The following BAIAP2L1 variants were observed in gnomAD, a reference collection of about 807,000 sequenced individuals.
BAIAP2L1 encodes BAR/IMD domain containing adaptor protein 2 like 1.
A neutral mutation model predicts 66.3 loss-of-function variants in BAIAP2L1; 35 were observed. The observed-to-expected ratio is 0.53, with a 90% confidence interval of 0.40 to 0.70. The LOEUF (loss-of-function observed/expected upper bound fraction) is 0.70, where lower values mean the gene tolerates loss of function less well. BAIAP2L1 is among the 30% of genes least tolerant of loss of function. The probability of loss-of-function intolerance (pLI) is 0.00; values close to 1 mark genes in which losing one functional copy is unlikely to be tolerated. For missense variants in BAIAP2L1, 622 were observed against 656.9 expected, an observed-to-expected ratio of 0.95 and a Z score of 0.58; for synonymous variants, 269 against 248.7, an observed-to-expected ratio of 1.08 and a Z score of -0.77.
intron 1 of BAIAP2L1, among the ~76,000 whole-genome samples, chr7:98,373,963 T>A (rs1008943375): frequency 1.3e-5 from 2 of 152,148 alleles, no homozygotes; most frequent in African/African-American, 4.8e-5. Flanking sequence ...AGAACATTTA[T>A]TTATTTTGAG....
intron 12 of BAIAP2L1, among the ~76,000 whole-genome samples, chr7:98,294,961 T>TC (rs1018125022): frequency 3.3e-5 from 5 of 152,150 alleles, no homozygotes; most frequent in African/African-American, 7.2e-5. Context: ...TAACACTCTT[T>TC]CCTGCCTGCA....
At chr7:98,351,850 T>C (rs937095790) in intron 3 of BAIAP2L1, among the ~76,000 whole-genome samples, 1 of 152,216 alleles carries the variant, frequency 6.6e-6, no homozygotes, top group African/African-American at 2.4e-5. Context: ...AAGTATCCAC[T>C]GCTAGACATC....
chr7:98,352,568 G>A (rs1802023250), intron 3 of BAIAP2L1, among the ~76,000 whole-genome samples: 1 of 152,106 alleles, frequency 6.6e-6, no homozygotes, highest in African/African-American at 2.4e-5. Context: ...CTTGAACCCT[G>A]GAGGCAGAGG....
chr7:98,304,849 C>T (rs948107990), intron 11 of BAIAP2L1, among the ~76,000 whole-genome samples: 1 of 150,268 alleles, frequency 6.7e-6, no homozygotes, highest in Non-Finnish European at 1.5e-5. Flanking sequence ...GGTTTCTAAA[C>T]ATATCCTCAC....
rs781400240 is a variant in BAIAP2L1, at chr7:98,304,424, C to CA, written c.1242-49dup. ...CACGTGTTAGATAATGTCTCACCAC[C>CA]AAACCCCAAACATCCTCTGTGTCCC... On this transcript the variant is annotated intron_variant, in intron 11 of 13. Coordinates refer to ENST00000005260, the MANE Select transcript of BAIAP2L1 (RefSeq NM_018842.5). 12 of 1,585,328 alleles carry CA rather than the reference C, an allele frequency of 7.6e-6. No individual in the cohort carries two copies. The South Asian group carries it at 1.4e-4, about 18-fold the overall frequency.
rs1425601575 is a variant in BAIAP2L1, at chr7:98,378,012, C to G, written c.52-15580G>C. The stretch of plus-strand genomic sequence containing the variant: ...ATTAGCTGGGCATAGTGGCGCATGC[C>G]TGTAGTTCCAGCTACAGGCTGAGAA... On this transcript the variant is annotated intron_variant, in intron 1 of 13. Transcript: ENST00000005260. 2.0e-5 allele frequency among the ~76,000 whole-genome samples: 3 copies of G among 151,688 alleles called. No homozygotes were observed. In the East Asian group the frequency reaches 5.8e-4, roughly 29 times the overall value.
chr7:98,341,539 T>TA (rs1295098995), intron 3 of BAIAP2L1, among the ~76,000 whole-genome samples: 2 of 152,052 alleles, frequency 1.3e-5, no homozygotes, highest in South Asian at 2.1e-4. Context: ...TTTTATTTTT[T>TA]AAAAAAGCAC....
chr7:98,331,484 T>G (rs867146803), intron 3 of BAIAP2L1, among the ~76,000 whole-genome samples: 1 of 143,028 alleles, frequency 7.0e-6, no homozygotes, highest in African/African-American at 2.7e-5. Flanking sequence ...TTTTTTTTTT[T>G]GGAGACAGAC....
At position 98,293,274 on chromosome 7, in the gene BAIAP2L1, A is replaced by G. The variant is rs956595295; in HGVS notation, c.*247T>C. 2.2e-5 allele frequency: 9 copies of G among 411,306 alleles called. No homozygotes were observed. Among genetic ancestry groups the G allele is most frequent in the African/African-American group, 1.8e-4 (9 of 49,540 alleles). 25.5% of individuals were successfully genotyped at this position (411,306 alleles called of 1,614,324 possible). On this transcript the variant is annotated 3_prime_UTR_variant, in exon 14 of 14. Coordinates refer to ENST00000005260, the MANE Select transcript of BAIAP2L1 (RefSeq NM_018842.5). ...TTGAAACCAAGTTTACTGTTTCTTG[A>G]ACAGAATAGGAAGAAAATATTTTAA...
At chr7:98,329,331 A>G (rs1801441902) in intron 3 of BAIAP2L1, among the ~76,000 whole-genome samples, 2 of 152,232 alleles carry the variant, frequency 1.3e-5, no homozygotes, top group Admixed American at 1.3e-4. Flanking sequence ...GCAGAGACCA[A>G]TGCTGGGGCC....
intron 3 of BAIAP2L1, among the ~76,000 whole-genome samples, chr7:98,336,057 A>T (rs1801609155): frequency 6.6e-6 from 1 of 151,752 alleles, no homozygotes; most frequent in Non-Finnish European, 1.5e-5. Context: ...AGAAATCCAA[A>T]TACCGCATAT....
At chr7:98,364,016 T>C (rs1562785568) in intron 1 of BAIAP2L1, among the ~76,000 whole-genome samples, 1 of 125,144 alleles carries the variant, frequency 8.0e-6, no homozygotes, top group Non-Finnish European at 1.9e-5. Flanking sequence ...GTTTTGAATA[T>C]TCTTTTTTTT....
At chr7:98,317,169 G>C (rs538329997) in intron 6 of BAIAP2L1, 50 bp downstream of exon 6, 3 of 1,608,852 alleles carry the variant, frequency 1.9e-6, no homozygotes, top group Non-Finnish European at 2.5e-6. Context: ...CTCTTAAACT[G>C]TGCAAATTGT....
At chr7:98,343,269 ACACACACACACACACACAGAC>A (rs1801789281) in intron 3 of BAIAP2L1, among the ~76,000 whole-genome samples, 14 of 150,348 alleles carry the variant, frequency 9.3e-5, no homozygotes, top group African/African-American at 3.2e-4. Flanking sequence ...ACACACACAC[ACACACACACACACACACAGAC>A]ACACACACAC....
Position 98,307,730 on chromosome 7 carries a change from C to A in BAIAP2L1, c.1122G>T (p.Glu374Asp). Reference protein sequence around the residue: ...GDVITLLIPEEKDGWLYGEHD... With the variant: ...GDVITLLIPEDKDGWLYGEHD... The stretch of plus-strand genomic sequence containing the variant: ...GTTCTCCATAGAGCCAGCCATCCTT[C>A]TCCTCGGGGATGAGCAGCGTGATGA... The change falls in exon 10 of 14, where the codon GAG becomes GAT. Residue 374 changes from glutamate to aspartate, a missense_variant. By Grantham distance (45) the Glu-to-Asp change is conservative (BLOSUM62 2). Coordinates refer to ENST00000005260, the MANE Select transcript of BAIAP2L1 (RefSeq NM_018842.5). The A allele has an allele frequency of 6.2e-7, 1 of 1,614,250 alleles. No homozygotes were observed. Among genetic ancestry groups the A allele is most frequent in the East Asian group, 2.2e-5 (1 of 44,890 alleles).
chr7:98,387,854 T>G (rs1802933769), intron 1 of BAIAP2L1, among the ~76,000 whole-genome samples: 1 of 150,838 alleles, frequency 6.6e-6, no homozygotes, highest in Non-Finnish European at 1.5e-5. Context: ...GGCGACAGAG[T>G]TAAGACCCTG....
At chr7:98,376,046 T>C (rs1802620380) in intron 1 of BAIAP2L1, among the ~76,000 whole-genome samples, 2 of 152,242 alleles carry the variant, frequency 1.3e-5, no homozygotes, top group African/African-American at 4.8e-5. Context: ...TATCACATAA[T>C]ACATTTCACT....
chr7:98,370,870 G>A (rs748111643), intron 1 of BAIAP2L1, among the ~76,000 whole-genome samples: 2 of 152,132 alleles, frequency 1.3e-5, no homozygotes, highest in Non-Finnish European at 2.9e-5. Flanking sequence ...TTTAGCTGAA[G>A]TACATGTTAT....
intron 1 of BAIAP2L1, chr7:98,386,571 T>G: frequency 6.3e-7 from 1 of 1,596,910 alleles, no homozygotes; most frequent in African/African-American, 1.3e-5. Context: ...GCGCTTGTTC[T>G]TGCCAACCGC....
Sources: gnomAD v4.1 joint callset for allele counts (sites outside exome capture counted in the v4.1 genomes callset) on GRCh38, gnomAD v4.1.1 for gene constraint, MANE v1.5 for transcripts, NCBI Gene and HGNC (gene_info 2026-07-23, HGNC 2026-07-21) for gene names.